The following TTLL1 variants were observed in gnomAD, a reference collection of about 807,000 sequenced individuals.
The protein encoded by TTLL1 is polyglutamylase complex subunit TTLL1.
TTLL1 carries 33 observed loss-of-function variants against 47.8 expected under a neutral mutation model. That is an observed-to-expected ratio of 0.69 (90% confidence interval 0.52 to 0.92). The LOEUF is 0.92. Among genes scored for constraint, TTLL1 ranks in the 40% least tolerant of loss-of-function variants. The pLI is 0.00. For synonymous variants in TTLL1, 225 were observed against 214.1 expected (o/e 1.05, Z -0.45); for missense variants, 488 against 547.5 (o/e 0.89, Z 1.08).
chr22:43,048,974 T>A (rs528359528), intron 9 of TTLL1, among the ~76,000 whole-genome samples: 1 of 151,948 alleles, frequency 6.6e-6, no homozygotes, highest in South Asian at 2.1e-4. Context: ...AACACTAGGC[T>A]CTGCAAAAGA....
intron 8 of TTLL1, among the ~76,000 whole-genome samples, chr22:43,054,026 C>A (rs1196294862): frequency 6.6e-6 from 1 of 152,230 alleles, no homozygotes; most frequent in Admixed American, 6.5e-5. Flanking sequence ...CTCTGCAGAG[C>A]ACTGTTCACA....
At chr22:43,080,581 C>T (rs1928809881) in intron 1 of TTLL1, among the ~76,000 whole-genome samples, 1 of 152,102 alleles carries the variant, frequency 6.6e-6, no homozygotes, top group South Asian at 2.1e-4. Context: ...AGCCCCTTCC[C>T]ACACCTGCCC....
chr22:43,047,983 A>G (rs1465881395), intron 9 of TTLL1, among the ~76,000 whole-genome samples: 3 of 152,148 alleles, frequency 2.0e-5, no homozygotes, highest in Non-Finnish European at 4.4e-5. Context: ...GTAGTATACC[A>G]TAATACTATA....
chr22:43,078,646 T>C (rs1003365120), intron 2 of TTLL1, among the ~76,000 whole-genome samples: 111 of 152,086 alleles, frequency 7.3e-4, no homozygotes, highest in Non-Finnish European at 5.7e-4. Flanking sequence ...TCTGTGAACC[T>C]GGCCTTTGGC....
intron 1 of TTLL1, among the ~76,000 whole-genome samples, chr22:43,086,157 G>A (rs1929214897): frequency 6.6e-6 from 1 of 152,176 alleles, no homozygotes; most frequent in Non-Finnish European, 1.5e-5. Flanking sequence ...TGGGGTTAAG[G>A]GTACTGAGTA....
intron 2 of TTLL1, among the ~76,000 whole-genome samples, chr22:43,078,866 C>A (rs34923073): frequency 4.1e-4 from 48 of 118,134 alleles, no homozygotes; most frequent in Middle Eastern, 5.7e-3. Context: ...CCCACAGACA[C>A]GGGGACCACG....
chr22:43,078,876 G>A (rs1412492755), intron 2 of TTLL1, among the ~76,000 whole-genome samples: 2 of 147,570 alleles, frequency 1.4e-5, no homozygotes, highest in South Asian at 2.2e-4. Flanking sequence ...CGGGGACCAC[G>A]GGAGCCGCAC....
intron 10 of TTLL1, among the ~76,000 whole-genome samples, chr22:43,042,291 CAGAA>C (rs1212391842): frequency 2.0e-5 from 3 of 152,162 alleles, no homozygotes; most frequent in African/African-American, 4.8e-5. Flanking sequence ...ACAAAACAAA[CAGAA>C]AGGAGCATTT....
intron 4 of TTLL1, 104 bp downstream of exon 4, chr22:43,069,532 A>G: frequency 6.4e-7 from 1 of 1,554,766 alleles, no homozygotes; most frequent in Non-Finnish European, 8.6e-7. Flanking sequence ...TCGCATGGAC[A>G]TGCTCACGCA....
At chr22:43,039,994 T>C (rs1925537929) in intron 10 of TTLL1, 89 bp from the exon 11 acceptor site, 2 of 1,515,976 alleles carry the variant, frequency 1.3e-6, no homozygotes, top group Non-Finnish European at 1.8e-6. Flanking sequence ...AAATATGACA[T>C]CACCCAGAGA....
intron 10 of TTLL1, among the ~76,000 whole-genome samples, chr22:43,043,604 G>A (rs1479289217): frequency 3.9e-5 from 6 of 151,916 alleles, no homozygotes; most frequent in Admixed American, 1.3e-4. Context: ...GGAACTCTCT[G>A]CCCATCATCG....
chr22:43,065,527 T>C (rs1927672533), intron 5 of TTLL1, among the ~76,000 whole-genome samples: 2 of 152,168 alleles, frequency 1.3e-5, no homozygotes, highest in African/African-American at 2.4e-5. Context: ...TGACCTCAAG[T>C]GATCCGCCTG....
At chr22:43,047,168 G>A (rs1926209440) in intron 9 of TTLL1, among the ~76,000 whole-genome samples, 1 of 152,138 alleles carries the variant, frequency 6.6e-6, no homozygotes, top group South Asian at 2.1e-4. Flanking sequence ...GTGCCTACCT[G>A]TGTGACTGGT....
intron 8 of TTLL1, among the ~76,000 whole-genome samples, chr22:43,053,127 T>C (rs1034714625): frequency 2.6e-5 from 4 of 152,118 alleles, no homozygotes; most frequent in Non-Finnish European, 5.9e-5. Context: ...TGCAGATTCC[T>C]GGGCCCTCCC....
intron 7 of TTLL1, among the ~76,000 whole-genome samples, chr22:43,063,387 G>C (rs535208057): frequency 5.3e-5 from 8 of 151,888 alleles, no homozygotes; most frequent in African/African-American, 1.7e-4. Flanking sequence ...CTTAGACCAG[G>C]ATACTCTTTG....
In TTLL1 at chr22:43,063,861, C is replaced by G. The variant is rs781015420; in HGVS notation, c.699G>C (p.Leu233=). ...TGGTGAGATGAACGAACATGTTGTC[C>G]AGCTCACTGGTACTCGGGGTGTATT... ...TVKYTPSTSE[L]DNMFVHLTNV... Residue 233 remains leucine, a synonymous_variant, in exon 7 of 11, where the codon CTG becomes CTC. Coordinates refer to ENST00000266254, the MANE Select transcript of TTLL1 (RefSeq NM_012263.5). The G allele has an allele frequency of 2.5e-6, 4 of 1,614,118 alleles. No individual in the cohort carries two copies. The highest frequency in any genetic ancestry group is 3.4e-6 in the Non-Finnish European group (4 of 1,179,982).
chr22:43,086,912 C>T (rs1055355239), intron 1 of TTLL1, among the ~76,000 whole-genome samples: 2 of 152,188 alleles, frequency 1.3e-5, no homozygotes, highest in Non-Finnish European at 2.9e-5. Context: ...TAGCTTCATA[C>T]TGCATTCAGA....
At chr22:43,077,989 T>A (rs1569446579) in intron 2 of TTLL1, among the ~76,000 whole-genome samples, 1 of 151,416 alleles carries the variant, frequency 6.6e-6, no homozygotes, top group Non-Finnish European at 1.5e-5. Context: ...GCACCAATAG[T>A]CCCAGCTACT....
chr22:43,077,026 G>A (rs896988685), intron 2 of TTLL1, among the ~76,000 whole-genome samples: 30 of 152,136 alleles, frequency 2.0e-4, no homozygotes, highest in South Asian at 6.2e-4. Flanking sequence ...GTGTGAACCC[G>A]GGAGGCGGAG....
Sources: allele counts gnomAD v4.1 joint callset (sites outside exome capture counted in the v4.1 genomes callset), GRCh38; gene constraint gnomAD v4.1.1; transcripts MANE v1.5; gene names NCBI Gene and HGNC (gene_info 2026-07-23, HGNC 2026-07-21).